SH3BGRL2: variants seen among roughly 807,000 people sequenced by gnomAD.
The protein encoded by SH3BGRL2 is SH3 domain binding glutamate rich protein like 2.
Under a neutral mutation model 14.8 loss-of-function variants are expected in SH3BGRL2, and 21 were observed. The ratio of observed to expected loss-of-function variants is 1.42; its 90% CI spans 1.01 to 2.05. The LOEUF (loss-of-function observed/expected upper bound fraction) is 2.05, where lower values mean the gene tolerates loss of function less well. Ranked by LOEUF, SH3BGRL2 falls within the 30% of genes most tolerant of loss-of-function variation. The pLI, the probability that SH3BGRL2 is intolerant of heterozygous loss-of-function variation, is 0.00. For synonymous variants in SH3BGRL2, 50 were observed against 47.8 expected, an observed-to-expected ratio of 1.05 and a Z score of -0.19; for missense variants, 147 against 130.8, an observed-to-expected ratio of 1.12 and a Z score of -0.61.
the SH3BGRL2 span, among the ~76,000 whole-genome samples, chr6:79,620,160 T>C: frequency 6.6e-6 from 1 of 152,154 alleles, no homozygotes; most frequent in Non-Finnish European, 1.5e-5. Flanking sequence ...TTCTCCCTTT[T>C]TTTTCCCCTG....
At chr6:79,655,545 C>T (rs986022091) in intron 1 of SH3BGRL2, among the ~76,000 whole-genome samples, 13 of 151,942 alleles carry the variant, frequency 8.6e-5, no homozygotes, top group African/African-American at 2.7e-4. Flanking sequence ...ATTTTATTAC[C>T]CCACAGAGAA....
At chr6:79,618,691 G>A in the SH3BGRL2 span, among the ~76,000 whole-genome samples, 2 of 151,754 alleles carry the variant, frequency 1.3e-5, no homozygotes, top group African/African-American at 4.8e-5. Flanking sequence ...GGCCAAGGCG[G>A]GTGGATCACT....
intron 2 of SH3BGRL2, among the ~76,000 whole-genome samples, chr6:79,691,852 A>G (rs377458535): frequency 6.6e-6 from 1 of 151,586 alleles, no homozygotes; most frequent in South Asian, 2.1e-4. Context: ...ATGATTTATA[A>G]TCCTTTGGGT....
chr6:79,659,238 A>T (rs1490601227), intron 1 of SH3BGRL2, among the ~76,000 whole-genome samples: 1 of 152,082 alleles, frequency 6.6e-6, no homozygotes, highest in Admixed American at 6.5e-5. Flanking sequence ...AATGGTATTG[A>T]CTAGGTTTTC....
intron 1 of SH3BGRL2, among the ~76,000 whole-genome samples, chr6:79,631,712 C>T (rs1473741100): frequency 6.6e-6 from 1 of 152,202 alleles, no homozygotes; most frequent in Non-Finnish European, 1.5e-5. Context: ...ACCCAAATGC[C>T]CACCCTGCGT....
chr6:79,591,567 C>T, the SH3BGRL2 span, among the ~76,000 whole-genome samples: 9 of 152,078 alleles, frequency 5.9e-5, no homozygotes, highest in South Asian at 4.1e-4. Context: ...GCCACTACAC[C>T]GGCTAATTTT....
chr6:79,685,167 T>C (rs534512969), intron 2 of SH3BGRL2, among the ~76,000 whole-genome samples: 11 of 152,354 alleles, frequency 7.2e-5, no homozygotes, highest in African/African-American at 2.4e-4. Context: ...GTGACTTTCA[T>C]AAAAATGATG....
the SH3BGRL2 span, among the ~76,000 whole-genome samples, chr6:79,616,172 C>T: frequency 6.6e-6 from 1 of 152,174 alleles, no homozygotes; most frequent in Non-Finnish European, 1.5e-5. Flanking sequence ...GCTGAAGTCA[C>T]CTTCTTCTGT....
the SH3BGRL2 span, among the ~76,000 whole-genome samples, chr6:79,600,983 C>T: frequency 2.6e-5 from 4 of 152,044 alleles, no homozygotes; most frequent in African/African-American, 9.7e-5. Context: ...TCAGGAGTCC[C>T]CCCTCAAGCT....
the SH3BGRL2 span, among the ~76,000 whole-genome samples, chr6:79,570,905 G>A: frequency 6.6e-5 from 10 of 152,286 alleles, no homozygotes; most frequent in Non-Finnish European, 1.2e-4. Flanking sequence ...TAGCTTTAAC[G>A]AATATGAATG....
the SH3BGRL2 span, among the ~76,000 whole-genome samples, chr6:79,554,049 TAC>T: frequency 1.0e-3 from 154 of 152,168 alleles, 1 homozygote; most frequent in African/African-American, 3.7e-3. Flanking sequence ...CCTGAAGAAA[TAC>T]TACAGTATTA....
chr6:79,572,655 T>C, the SH3BGRL2 span, among the ~76,000 whole-genome samples: 6 of 152,036 alleles, frequency 3.9e-5, no homozygotes, highest in South Asian at 6.2e-4. Flanking sequence ...TCAGCAGAGA[T>C]GGGGTTTCAC....
the SH3BGRL2 span, among the ~76,000 whole-genome samples, chr6:79,580,881 T>A: frequency 6.6e-6 from 1 of 152,096 alleles, no homozygotes; most frequent in African/African-American, 2.4e-5. Flanking sequence ...ACAAAATTGA[T>A]AGACCGCTAG....
chr6:79,699,709 T>C lies in SH3BGRL2; in HGVS notation c.*200T>C. 1 of 670,388 alleles carries C rather than the reference T, an allele frequency of 1.5e-6. No homozygotes were observed. The highest frequency in any genetic ancestry group is 2.2e-6 in the Non-Finnish European group (1 of 448,000). The allele number at this position is 670,388 out of a possible 1,614,324, so 41.5% of individuals were successfully genotyped here. ...TTTAAACCAAATCAGGTGGTGGATT[T>C]TTTTTTTCTTATTCTATTTGCCTGC... On this transcript the variant is annotated 3_prime_UTR_variant, in exon 4 of 4. Coordinates refer to ENST00000369838, the MANE Select transcript of SH3BGRL2 (RefSeq NM_031469.4).
intron 3 of SH3BGRL2, among the ~76,000 whole-genome samples, chr6:79,698,341 T>C (rs1336097733): frequency 6.6e-6 from 1 of 152,244 alleles, no homozygotes; most frequent in Non-Finnish European, 1.5e-5. Context: ...TTCTATTTTT[T>C]ACCTTGGTAG....
intron 3 of SH3BGRL2, among the ~76,000 whole-genome samples, chr6:79,698,903 G>A (rs1397981927): frequency 6.6e-6 from 1 of 152,120 alleles, no homozygotes; most frequent in Non-Finnish European, 1.5e-5. Flanking sequence ...ACCCCAAGAA[G>A]GGCCTGTCAT....
the SH3BGRL2 span, among the ~76,000 whole-genome samples, chr6:79,601,989 C>A: frequency 7.2e-5 from 11 of 152,136 alleles, no homozygotes; most frequent in Non-Finnish European, 1.2e-4. Flanking sequence ...TGAGCAACAG[C>A]TTTAGCTCTG....
At chr6:79,692,682 T>C (rs773581839) in intron 2 of SH3BGRL2, among the ~76,000 whole-genome samples, 1 of 152,328 alleles carries the variant, frequency 6.6e-6, no homozygotes, top group South Asian at 2.1e-4. Context: ...TGTGGCATTA[T>C]TTCTGAGAGC....
At chr6:79,556,172 T>G in the SH3BGRL2 span, among the ~76,000 whole-genome samples, 1 of 152,154 alleles carries the variant, frequency 6.6e-6, no homozygotes, top group Non-Finnish European at 1.5e-5. Flanking sequence ...GTGAAAGATG[T>G]TACACTCAAA....
Sources: allele counts gnomAD v4.1 joint callset (sites outside exome capture counted in the v4.1 genomes callset), GRCh38; gene constraint gnomAD v4.1.1; transcripts MANE v1.5; gene names NCBI Gene and HGNC (gene_info 2026-07-23, HGNC 2026-07-21).